Variants in PROP1 observed in about 807,000 individuals in gnomAD.
PROP1 encodes PROP paired-like homeobox 1.
In PROP1, 12 loss-of-function variants were observed where a neutral mutation model predicts 22.3. That is an observed-to-expected ratio of 0.54 (90% CI 0.34 to 0.87). The LOEUF (loss-of-function observed/expected upper bound fraction) is 0.87. Among genes scored for constraint, PROP1 ranks in the 40% least tolerant of loss-of-function variants. The pLI is 0.01. For synonymous variants in PROP1, 112 were observed against 116.7 expected (o/e 0.96, Z 0.26); for missense variants, 278 against 295.1 (o/e 0.94, Z 0.43).
chr5:177,992,821 T>C lies in PROP1; in HGVS notation c.569A>G (p.Gln190Arg). 1 of 1,610,118 alleles carries C rather than the reference T, an allele frequency of 6.2e-7. No homozygotes were observed. The highest frequency in any genetic ancestry group is 1.1e-5 in the South Asian group (1 of 90,826). ...CAAGGTAGGGTACCAGTCCTCAGAC[T>C]GGTGTGACAAAGCAAAGGCGCCTCC... Reference protein sequence around the residue: ...STGGAFALSHQSEDWYPTLHP... With the variant: ...STGGAFALSHRSEDWYPTLHP... Residue 190 changes from glutamine to arginine, a missense_variant, in exon 3 of 3, where the codon CAG becomes CGG. Coordinates refer to ENST00000308304, the MANE Select transcript of PROP1 (RefSeq NM_006261.5).
chr5:177,992,629 T>C lies in PROP1; in HGVS notation c.*80A>G, dbSNP rs1772662714. 1.0e-5 allele frequency: 10 copies of C among 956,062 alleles called. No homozygotes were observed. Among genetic ancestry groups the C allele is most frequent in the Middle Eastern group, 3.2e-4 (1 of 3,138 alleles). The allele number at this position is 956,062 out of a possible 1,614,324, so 59.2% of individuals were successfully genotyped here. Reference sequence around the variant, plus strand: ...ACCATGCATCTGCTTCACCCATAGATGGAAAGGAAGCCACCCCATTTTCTT... The same window carrying C: ...ACCATGCATCTGCTTCACCCATAGACGGAAAGGAAGCCACCCCATTTTCTT... On this transcript the variant is annotated 3_prime_UTR_variant, in exon 3 of 3. Coordinates refer to ENST00000308304, the MANE Select transcript of PROP1 (RefSeq NM_006261.5).
In PROP1 at chr5:177,994,115, G is replaced by A; in HGVS notation, c.333C>T (p.Ala111=). 1.2e-6 allele frequency: 2 copies of A among 1,614,046 alleles called. No homozygotes were observed. Among genetic ancestry groups the A allele is most frequent in the Non-Finnish European group, 1.7e-6 (2 of 1,179,940 alleles). The part of the protein sequence containing the change: ...SLARDTGLSE[A]RIQVWFQNRR... The stretch of plus-strand genomic sequence containing the variant: ...GATCCTGGAGCATCACCTGGATTCG[G>A]GCCTCACTGAGGCCAGTGTCCCGGG... The change falls in exon 2 of 3, where the codon GCC becomes GCT. Residue 111 remains alanine (A), a synonymous_variant. Transcript: ENST00000308304.
chr5:177,994,749 C>T (rs1582664123), intron 1 of PROP1, among the ~76,000 whole-genome samples: 1 of 152,106 alleles, frequency 6.6e-6, no homozygotes, highest in African/African-American at 2.4e-5. Flanking sequence ...CCTGCCCCAC[C>T]GGGAATCTTT....
chr5:177,992,647 A>G lies in PROP1; in HGVS notation c.*62T>C, dbSNP rs964719111. On this transcript the variant is annotated 3_prime_UTR_variant, in exon 3 of 3. Coordinates refer to ENST00000308304, the MANE Select transcript of PROP1 (RefSeq NM_006261.5). ...CCATAGATGGAAAGGAAGCCACCCCATTTTCTTGTCTTTTCACGAGGGCCG... is the reference window on the plus strand; with the variant it reads ...CCATAGATGGAAAGGAAGCCACCCCGTTTTCTTGTCTTTTCACGAGGGCCG... The G allele has an allele frequency of 6.8e-6, 8 of 1,181,934 alleles. No homozygotes were observed. The highest frequency in any genetic ancestry group is 6.4e-5 in the African/African-American group (4 of 62,720). 73.2% of individuals were successfully genotyped at this position (1,181,934 alleles called of 1,614,324 possible). A position where few individuals can be genotyped will look rare whatever the true frequency, so the allele number is the denominator to read the frequency against.
chr5:177,995,860 C>T lies in PROP1; in HGVS notation c.74G>A (p.Arg25Lys), dbSNP rs1755755931. 1 of 1,613,884 alleles carries T rather than the reference C, an allele frequency of 6.2e-7. No individual in the cohort carries two copies. The highest frequency in any genetic ancestry group is 1.3e-5 in the African/African-American group (1 of 74,940). ...GGTCGGGGTCCCAGTGGCCGGGTGT[C>T]TCTCAGGCAACAGGTTGCTGCCGAC... is the stretch of plus-strand genomic sequence containing the variant. ...GRVGSNLLPE[R>K]HPATGTPTTT... The change falls in exon 1 of 3, where the codon AGA (arginine) becomes AAA (lysine). Residue 25 changes from arginine to lysine, a missense_variant. Physicochemically the swap from Arg to Lys is conservative, Grantham distance 26. Coordinates refer to ENST00000308304, the MANE Select transcript of PROP1 (RefSeq NM_006261.5).
Position 177,992,834 on chromosome 5 carries a change from C to A in PROP1, c.556G>T (p.Ala186Ser). The A allele has an allele frequency of 6.2e-7, 1 of 1,610,914 alleles. No individual in the cohort carries two copies. Among genetic ancestry groups the A allele is most frequent in the Non-Finnish European group, 8.5e-7 (1 of 1,178,186 alleles). Residue 186 changes from alanine (A) to serine (S), a missense_variant, in exon 3 of 3, where the codon GCT becomes TCT. Transcript: ENST00000308304. ...PSQPSTGGAF[A>S]LSHQSEDWYP... ...CAGTCCTCAGACTGGTGTGACAAAG[C>A]AAAGGCGCCTCCTGTGGAGGGCTGG...
intron 1 of PROP1, among the ~76,000 whole-genome samples, chr5:177,994,832 G>C (rs566900586): frequency 2.0e-5 from 3 of 152,002 alleles, no homozygotes; most frequent in African/African-American, 7.3e-5. Context: ...CTGACACCAG[G>C]CTGTGCTGTC....
chr5:177,994,381 C>T (rs990925358), intron 1 of PROP1, 43 bp from the exon 2 acceptor site: 31 of 1,508,906 alleles, frequency 2.1e-5, no homozygotes, highest in Non-Finnish European at 2.7e-5. Context: ...GAGGAGGACG[C>T]TCCTCGGTGC....
Position 177,992,470 on chromosome 5 carries a change from C to G in PROP1, c.*239G>C, listed in dbSNP as rs1258811468. On this transcript the variant is annotated 3_prime_UTR_variant, in exon 3 of 3. Coordinates refer to ENST00000308304, the MANE Select transcript of PROP1 (RefSeq NM_006261.5). ...TGTCTTCATCAATATCACCCTTCAG[C>G]AGGCAGCTCCACCGAGGCATCTTGC... is the stretch of plus-strand genomic sequence containing the variant. The G allele has an allele frequency of 1.8e-6, 1 of 553,620 alleles. No individual in the cohort carries two copies. The allele number at this position is 553,620 out of a possible 1,614,324, so 34.3% of individuals were successfully genotyped here. A position where few individuals can be genotyped will look rare whatever the true frequency, so the allele number is the denominator to read the frequency against.
chr5:177,992,932 C>T lies in PROP1; in HGVS notation c.458G>A (p.Cys153Tyr). Residue 153 changes from cysteine to tyrosine, a missense_variant, in exon 3 of 3, where the codon TGC becomes TAC. Transcript: ENST00000308304. ...FSSFLPESTA[C>Y]PYSYAAPPPP... is the part of the protein sequence containing the mutation. ...TGGTGGTGCTGCGTAAGAATAGGGG[C>T]AAGCAGTGGACTCTGGCAAGAAGCT... 6.2e-7 allele frequency: 1 copy of T among 1,613,742 alleles called. No individual in the cohort carries two copies. Among genetic ancestry groups the T allele is most frequent in the Non-Finnish European group, 8.5e-7 (1 of 1,179,932 alleles).
chr5:177,992,822 G>A lies in PROP1; in HGVS notation c.568C>T (p.Gln190Ter). 6.2e-7 allele frequency: 1 copy of A among 1,610,520 alleles called. No homozygotes were observed. The highest frequency in any genetic ancestry group is 8.5e-7 in the Non-Finnish European group (1 of 1,178,128). The change falls in exon 3 of 3, where the codon CAG (glutamine) becomes TAG (stop). Residue 190 changes from glutamine to a stop codon, truncating the protein, a stop_gained. Coordinates refer to ENST00000308304, the MANE Select transcript of PROP1 (RefSeq NM_006261.5). LOFTEE classifies it high-confidence loss of function. ...AAGGTAGGGTACCAGTCCTCAGACT[G>A]GTGTGACAAAGCAAAGGCGCCTCCT... ...STGGAFALSH[Q>*]SEDWYPTLHP...
rs2233783 is a variant in PROP1 at position 177,994,296 on chromosome 5, C to T, written c.152G>A (p.Gly51Glu). 4.3e-6 allele frequency: 7 copies of T among 1,611,462 alleles called. No homozygotes were observed. In the Admixed American group the frequency reaches 6.7e-5, roughly 15 times the overall value. ...TTGCGGGGAGAACCTTGATCTCCCC[C>T]CTCCTGCACCAGGGAGCCTTCTGCA... is the stretch of plus-strand genomic sequence containing the variant. ...PPCRRLPGAG[G>E]GRSRFSPQGG... Residue 51 changes from glycine (G) to glutamate (E), a missense_variant, in exon 2 of 3, where the codon GGG (glycine) becomes GAG (glutamate). Coordinates refer to ENST00000308304, the MANE Select transcript of PROP1 (RefSeq NM_006261.5).
chr5:177,995,233 A>G (rs1462087235), intron 1 of PROP1, among the ~76,000 whole-genome samples: 1 of 151,726 alleles, frequency 6.6e-6, no homozygotes, highest in Non-Finnish European at 1.5e-5. Flanking sequence ...CCCAGCCACC[A>G]GGCTGCAGGA....
At position 177,992,923 on chromosome 5, in the gene PROP1, G is replaced by C; in HGVS notation, c.467C>G (p.Ser156Cys). 6.2e-7 allele frequency: 1 copy of C among 1,613,954 alleles called. No homozygotes were observed. The highest frequency in any genetic ancestry group is 8.5e-7 in the Non-Finnish European group (1 of 1,179,974). The change falls in exon 3 of 3, where the codon TCT (serine) becomes TGT (cysteine). Residue 156 changes from serine (S) to cysteine (C), a missense_variant. Ser to Cys is a moderately radical substitution (Grantham distance 112). Transcript: ENST00000308304. ...FLPESTACPYSYAAPPPPVTC... is the reference protein window; with the variant it reads ...FLPESTACPYCYAAPPPPVTC... Reference sequence around the variant, plus strand: ...CACTGGTGGTGGTGGTGCTGCGTAAGAATAGGGGCAAGCAGTGGACTCTGG... The same window carrying C: ...CACTGGTGGTGGTGGTGCTGCGTAACAATAGGGGCAAGCAGTGGACTCTGG...
rs144314831 is a variant in PROP1, at chr5:177,995,838, C to T, written c.96G>A (p.Pro32=). ...LPERHPATGT[P]TTTVDSSAPP... Reference sequence around the variant, plus strand: ...ACGGTCACTCACCCACCGTGGTGGTCGGGGTCCCAGTGGCCGGGTGTCTCT... The same window carrying T: ...ACGGTCACTCACCCACCGTGGTGGTTGGGGTCCCAGTGGCCGGGTGTCTCT... The change falls in exon 1 of 3, where the codon CCG becomes CCA. Residue 32 remains proline, a synonymous_variant. Coordinates refer to ENST00000308304, the MANE Select transcript of PROP1 (RefSeq NM_006261.5). 3.1e-4 allele frequency: 495 copies of T among 1,613,594 alleles called. 1 individual carries two copies. The highest frequency in any genetic ancestry group is 6.6e-4 in the Middle Eastern group (4 of 6,060).
chr5:177,994,407 TGTCCC>T (rs1315628349), intron 1 of PROP1, 69 bp from the exon 2 acceptor site: 1 of 1,354,824 alleles, frequency 7.4e-7, no homozygotes, highest in Non-Finnish European at 1.0e-6. Context: ...CACATGTGCC[TGTCCC>T]GGGATTGCGC....
In PROP1 at chr5:177,994,264, G is replaced by A. The variant is rs1271079670; in HGVS notation, c.184C>T (p.Gln62Ter). Reference sequence around the variant, plus strand: ...CGCCGGGAGTGCGGGCGGCCCCTCTGTCCTCCTTGCGGGGAGAACCTTGAT... The same window carrying A: ...CGCCGGGAGTGCGGGCGGCCCCTCTATCCTCCTTGCGGGGAGAACCTTGAT... ...GRSRFSPQGG[Q>*]RGRPHSRRRH... Residue 62 changes from glutamine (Q) to a stop codon, truncating the protein, a stop_gained, in exon 2 of 3, where the codon CAG becomes TAG. Coordinates refer to ENST00000308304, the MANE Select transcript of PROP1 (RefSeq NM_006261.5). LOFTEE classifies it high-confidence loss of function. 6.2e-7 allele frequency: 1 copy of A among 1,613,752 alleles called. No individual in the cohort carries two copies. Among genetic ancestry groups the A allele is most frequent in the Non-Finnish European group, 8.5e-7 (1 of 1,179,854 alleles).
rs550100998 is a variant in PROP1 at position 177,996,121 on chromosome 5, T to G, written c.-188A>C. 2.9e-4 allele frequency: 179 copies of G among 626,370 alleles called. 1 individual carries two copies. The South Asian group carries it at 3.1e-3, about 11-fold the overall frequency. 38.8% of individuals were successfully genotyped at this position (626,370 alleles called of 1,614,324 possible). A position where few individuals can be genotyped will look rare whatever the true frequency, so the allele number is the denominator to read the frequency against. On this transcript the variant is annotated 5_prime_UTR_variant, in exon 1 of 3. Coordinates refer to ENST00000308304, the MANE Select transcript of PROP1 (RefSeq NM_006261.5). ...TTTTTCACTGTCTTTACTTTTTTTC[T>G]AATTGTTTCCTAATTCCCCCTTCCT... is the stretch of plus-strand genomic sequence containing the variant.
At position 177,994,173 on chromosome 5, in the gene PROP1, T is replaced by C. The variant is rs764977466; in HGVS notation, c.275A>G (p.Gln92Arg). ...EQLESAFGRN[Q>R]YPDIWARESL... ...CTCTCGGGCCCAGATGTCGGGGTAC[T>C]GGTTCCTCCCAAAGGCTGACTCCAG... Residue 92 changes from glutamine (Q) to arginine (R), a missense_variant, in exon 2 of 3, where the codon CAG becomes CGG. Transcript: ENST00000308304. The C allele has an allele frequency of 6.2e-7, 1 of 1,614,188 alleles. No homozygotes were observed. The highest frequency in any genetic ancestry group is 8.5e-7 in the Non-Finnish European group (1 of 1,180,036).
Sources: allele counts gnomAD v4.1 joint callset (sites outside exome capture counted in the v4.1 genomes callset), GRCh38; gene constraint gnomAD v4.1.1; transcripts MANE v1.5; gene names NCBI Gene and HGNC (gene_info 2026-07-23, HGNC 2026-07-21).